UPP1: variants seen among roughly 807,000 people sequenced by gnomAD.
The protein encoded by UPP1 is uridine phosphorylase 1, also known as UPase 1.
Under a neutral mutation model 29.6 loss-of-function variants are expected in UPP1, and 25 were observed. The observed-to-expected ratio is 0.85, with a 90% CI of 0.62 to 1.18. The LOEUF (loss-of-function observed/expected upper bound fraction) is 1.18. Ranked by LOEUF, UPP1 falls within the 50% of genes most tolerant of loss-of-function variation. The pLI is 0.00. For missense variants in UPP1, 368 were observed against 410.4 expected (o/e 0.90, Z 0.89); for synonymous variants, 165 against 159.8 (o/e 1.03, Z -0.25).
rs989525430 is a variant in UPP1 at position 48,098,828 on chromosome 7, T to C, written c.45-842T>C. On this transcript the variant is annotated intron_variant, in intron 3 of 8. Coordinates refer to ENST00000395564, the MANE Select transcript of UPP1 (RefSeq NM_003364.4). ...ATCTCTAGGACTCAGAAGGCATACA[T>C]TGTTGAAGGAGCTACGTTTGAGGCT... 4.2e-4 allele frequency among the ~76,000 whole-genome samples: 64 copies of C among 152,168 alleles called. 2 individuals carry two copies. Among genetic ancestry groups the C allele is most frequent in the Non-Finnish European group, 5.9e-5 (4 of 68,020 alleles).
At position 48,102,757 on chromosome 7, in the gene UPP1, G is replaced by C. The variant is rs758048999; in HGVS notation, c.322-540G>C. Among the ~76,000 whole-genome samples the C allele has an allele frequency of 2.6e-5, 4 of 152,152 alleles. No individual in the cohort carries two copies. The East Asian group carries it at 5.8e-4, about 22-fold the overall frequency. On this transcript the variant is annotated intron_variant, in intron 5 of 8. Transcript: ENST00000395564. The stretch of plus-strand genomic sequence containing the variant: ...GCATCACAGAAGTTGTGACACTAGG[G>C]GGGGTGCTCTGAAGAGGAGAGCAGG...
intron 2 of UPP1, among the ~76,000 whole-genome samples, chr7:48,093,958 G>A (rs561947870): frequency 1.3e-5 from 2 of 152,278 alleles, no homozygotes; most frequent in East Asian, 1.9e-4. Context: ...TCAGCAGTTC[G>A]AGAACAGCCT....
At position 48,094,814 on chromosome 7, in the gene UPP1, G is replaced by T. The variant is rs1385171513; in HGVS notation, c.31G>T (p.Ala11Ser). 3.7e-6 allele frequency: 6 copies of T among 1,614,152 alleles called. No homozygotes were observed. The highest frequency in any genetic ancestry group is 4.2e-6 in the Non-Finnish European group (5 of 1,180,030). ...GGCCACGGGAGCCAATGCAGAGAAA[G>T]CTGAAAGTCACAAGTAAGGCTCCAT... MAATGANAEK[A>S]ESHNDCPVRL... Residue 11 changes from alanine to serine, a missense_variant, in exon 3 of 9, where the codon GCT becomes TCT. By Grantham distance (99) the Ala-to-Ser change is moderately conservative (BLOSUM62 1). Coordinates refer to ENST00000395564, the MANE Select transcript of UPP1 (RefSeq NM_003364.4).
At position 48,106,983 on chromosome 7, in the gene UPP1, A is replaced by C; in HGVS notation, c.547A>C (p.Asn183His). 6.2e-7 allele frequency: 1 copy of C among 1,613,192 alleles called. No homozygotes were observed. The highest frequency in any genetic ancestry group is 8.5e-7 in the Non-Finnish European group (1 of 1,179,984). ...GKRVIRKTDL[N>H]KKLVQELLLC... is the part of the protein sequence containing the mutation. ...GCGGGTCATCCGGAAAACGGACCTT[A>C]ACAAGAAGCTGGTGCAGGAGCTGTT... Residue 183 changes from asparagine to histidine, a missense_variant, in exon 7 of 9, where the codon AAC becomes CAC. Asn to His is a moderately conservative substitution (Grantham distance 68, BLOSUM62 1). Coordinates refer to ENST00000395564, the MANE Select transcript of UPP1 (RefSeq NM_003364.4).
intron 8 of UPP1, 126 bp downstream of exon 8, chr7:48,107,633 C>A: frequency 1.8e-6 from 2 of 1,129,708 alleles, no homozygotes; most frequent in Non-Finnish European, 2.5e-6. Context: ...TTTCCGCTGC[C>A]CCCAAGTCAC....
intron 3 of UPP1, among the ~76,000 whole-genome samples, chr7:48,097,204 T>C (rs1792170251): frequency 6.6e-6 from 1 of 152,182 alleles, no homozygotes; most frequent in South Asian, 2.1e-4. Context: ...ACTGGTTCAT[T>C]ATGGTACATG....
intron 6 of UPP1, 40 bp from the exon 7 acceptor site, chr7:48,106,833 T>A (rs1201946197): frequency 6.2e-7 from 1 of 1,604,682 alleles, no homozygotes; most frequent in South Asian, 1.1e-5. Context: ...TTTATTTTGT[T>A]TTACACCCTG....
At chr7:48,104,834 G>A (rs1325225088) in intron 6 of UPP1, 3 of 152,222 alleles carry the variant, frequency 2.0e-5, no homozygotes, top group South Asian at 2.1e-4. Flanking sequence ...AGGAACTCTA[G>A]TGAATGGTTC....
intron 1 of UPP1, 98 bp downstream of exon 1, chr7:48,089,516 G>C (rs1018068035): frequency 4.6e-5 from 7 of 152,610 alleles, no homozygotes; most frequent in African/African-American, 1.4e-4. Context: ...TAGGGGCGGT[G>C]ACGGAGGCTC....
chr7:48,091,502 A>G (rs981696028), intron 2 of UPP1, among the ~76,000 whole-genome samples: 1 of 152,220 alleles, frequency 6.6e-6, no homozygotes, highest in African/African-American at 2.4e-5. Flanking sequence ...AGGTGAGAGA[A>G]GACTTGTTGA....
chr7:48,103,112 C>T (rs1267960148), intron 5 of UPP1, among the ~76,000 whole-genome samples, 185 bp from the exon 6 acceptor site: 3 of 152,216 alleles, frequency 2.0e-5, no homozygotes, highest in Non-Finnish European at 1.5e-5. Flanking sequence ...TTGTCTTTGA[C>T]AGCTTTGCAT....
intron 4 of UPP1, 77 bp downstream of exon 4, chr7:48,099,864 C>T: frequency 1.0e-6 from 1 of 954,770 alleles, no homozygotes; most frequent in Non-Finnish European, 1.7e-6. Flanking sequence ...TAGACCAACC[C>T]ACAAATGCTT....
intron 3 of UPP1, among the ~76,000 whole-genome samples, chr7:48,098,430 C>T (rs1002575032): frequency 6.6e-6 from 1 of 152,058 alleles, no homozygotes; most frequent in Non-Finnish European, 1.5e-5. Flanking sequence ...TGGTGTGTTA[C>T]GTGGGATTCA....
At chr7:48,106,235 C>T (rs1376936844) in intron 6 of UPP1, 3 of 155,234 alleles carry the variant, frequency 1.9e-5, no homozygotes, top group South Asian at 2.0e-4. Context: ...TGACAGACAA[C>T]AGTGGGAAAT....
Position 48,107,439 on chromosome 7 carries a change from C to G in UPP1, c.725C>G (p.Ala242Gly). ...KQAYLEAAYA[A>G]GVRNIEMESS... ...GCGTATCTGGAGGCAGCCTATGCAG[C>G]CGGCGTCCGCAATATCGAGATGGAG... The change falls in exon 8 of 9, where the codon GCC becomes GGC. Residue 242 changes from alanine (A) to glycine (G), a missense_variant. Coordinates refer to ENST00000395564, the MANE Select transcript of UPP1 (RefSeq NM_003364.4). 1 of 1,614,194 alleles carries G rather than the reference C, an allele frequency of 6.2e-7. No homozygotes were observed. Among genetic ancestry groups the G allele is most frequent in the Non-Finnish European group, 8.5e-7 (1 of 1,180,016 alleles).
Position 48,107,077 on chromosome 7 carries a change from A to G in UPP1, c.641A>G (p.Tyr214Cys), listed in dbSNP as rs146983910. The G allele has an allele frequency of 1.5e-5, 24 of 1,611,656 alleles. No homozygotes were observed. The highest frequency in any genetic ancestry group is 2.2e-4 in the Middle Eastern group (1 of 4,522). The change falls in exon 7 of 9, where the codon TAT becomes TGT. Residue 214 changes from tyrosine to cysteine, a missense_variant. Transcript: ENST00000395564. The stretch of plus-strand genomic sequence containing the variant: ...AACACCATGTGCACCTTGGACTTCT[A>G]TGAAGGTGAGGCAGCGGATACGAGG... ...VGNTMCTLDF[Y>C]EGQGRLDGAL...
intron 2 of UPP1, 75 bp from the exon 3 acceptor site, chr7:48,094,688 C>T: frequency 5.3e-6 from 7 of 1,314,978 alleles, no homozygotes; most frequent in Admixed American, 1.8e-5. Context: ...TGACTTTCTA[C>T]ATATTAGTGG....
chr7:48,097,209 T>C (rs933837880), intron 3 of UPP1, among the ~76,000 whole-genome samples: 2 of 152,198 alleles, frequency 1.3e-5, no homozygotes, highest in East Asian at 3.8e-4. Flanking sequence ...TTCATTATGG[T>C]ACATGTTAAA....
Position 48,094,355 on chromosome 7 carries a change from A to G in UPP1, c.-21-408A>G, listed in dbSNP as rs1382059674. On this transcript the variant is annotated intron_variant, in intron 2 of 8. Coordinates refer to ENST00000395564, the MANE Select transcript of UPP1 (RefSeq NM_003364.4). ...CAGCCTCCTGAGAGTAGCTGGGATT[A>G]CAGGCGCCTGCCACCACACCTGGCT... Among the ~76,000 whole-genome samples the G allele has an allele frequency of 2.0e-5, 3 of 152,254 alleles. No individual in the cohort carries two copies. In the East Asian group the frequency reaches 5.8e-4, roughly 30 times the overall value.
Sources: allele counts gnomAD v4.1 joint callset (sites outside exome capture counted in the v4.1 genomes callset), GRCh38; gene constraint gnomAD v4.1.1; transcripts MANE v1.5; gene names NCBI Gene and HGNC (gene_info 2026-07-23, HGNC 2026-07-21).